Variants in FOXJ3 observed in about 807,000 individuals in gnomAD.
FOXJ3 encodes the protein forkhead box protein J3.
In FOXJ3, 22 loss-of-function variants were observed where a neutral mutation model predicts 76.1. The ratio of observed to expected loss-of-function variants is 0.29; its 90% CI spans 0.21 to 0.41. The LOEUF is 0.41. Among genes scored for constraint, FOXJ3 ranks in the 10% least tolerant of loss-of-function variants. The pLI is 1.00. For missense variants in FOXJ3, 613 were observed against 762.1 expected (o/e 0.80, Z 2.30); for synonymous variants, 269 against 261.2 (o/e 1.03, Z -0.29).
At chr1:42,302,128 T>C (rs375642485) in intron 2 of FOXJ3, among the ~76,000 whole-genome samples, 6 of 152,172 alleles carry the variant, frequency 3.9e-5, no homozygotes, top group Admixed American at 6.5e-5. Context: ...ATATCAGTGA[T>C]GTACTGGGCA....
intron 4 of FOXJ3, among the ~76,000 whole-genome samples, chr1:42,229,498 G>A (rs1647884609): frequency 6.6e-6 from 1 of 152,146 alleles, no homozygotes; most frequent in South Asian, 2.1e-4. Flanking sequence ...ACACTGTTGG[G>A]GTACAAGGTA....
At chr1:42,206,772 T>C (rs1337975052) in intron 5 of FOXJ3, among the ~76,000 whole-genome samples, 1 of 152,200 alleles carries the variant, frequency 6.6e-6, no homozygotes, top group African/African-American at 2.4e-5. Context: ...ATACAATCAA[T>C]TAATGTTAAC....
chr1:42,238,486 C>G (rs955658791), intron 4 of FOXJ3, among the ~76,000 whole-genome samples: 3 of 152,182 alleles, frequency 2.0e-5, no homozygotes, highest in Non-Finnish European at 4.4e-5. Context: ...CATTATTTTG[C>G]CTATTTTAGG....
At chr1:42,234,039 T>C (rs1453570885) in intron 4 of FOXJ3, among the ~76,000 whole-genome samples, 1 of 152,254 alleles carries the variant, frequency 6.6e-6, no homozygotes, top group East Asian at 1.9e-4. Context: ...CTTTTCTGCA[T>C]CTGATATAGA....
chr1:42,280,382 A>G (rs1306672757), intron 2 of FOXJ3: 21 of 973,430 alleles, frequency 2.2e-5, no homozygotes, highest in Non-Finnish European at 2.5e-5. Context: ...TCTCTATTGT[A>G]CACATTCCTC....
At chr1:42,294,022 C>T (rs746381363) in intron 2 of FOXJ3, among the ~76,000 whole-genome samples, 6 of 152,050 alleles carry the variant, frequency 3.9e-5, no homozygotes, top group Non-Finnish European at 8.8e-5. Flanking sequence ...CTAGTAAGGA[C>T]GTAAGTATTC....
chr1:42,290,703 TTTC>T (rs1653361575), intron 2 of FOXJ3, among the ~76,000 whole-genome samples: 1 of 152,204 alleles, frequency 6.6e-6, no homozygotes, highest in Non-Finnish European at 1.5e-5. Flanking sequence ...ACTTTATCTT[TTTC>T]TTCTTATGAA....
At chr1:42,301,498 G>A (rs115079459) in intron 2 of FOXJ3, among the ~76,000 whole-genome samples, 1,742 of 152,010 alleles carry the variant, frequency 0.011, 38 homozygotes, top group African/African-American at 0.04. Context: ...GTACCACACC[G>A]GACTTCGTTC....
chr1:42,190,994 C>T (rs1646529689), intron 9 of FOXJ3, among the ~76,000 whole-genome samples: 1 of 151,808 alleles, frequency 6.6e-6, no homozygotes, highest in South Asian at 2.1e-4. Context: ...TTGCACTTTT[C>T]CTATATATAA....
At chr1:42,322,744 T>C (rs1221780254) in intron 1 of FOXJ3, among the ~76,000 whole-genome samples, 1 of 152,108 alleles carries the variant, frequency 6.6e-6, no homozygotes, top group Admixed American at 6.6e-5. Context: ...TCTCTCTGAA[T>C]CTACTCAAAG....
intron 4 of FOXJ3, among the ~76,000 whole-genome samples, chr1:42,230,536 A>C (rs1182321094): frequency 6.6e-6 from 1 of 152,168 alleles, no homozygotes; most frequent in East Asian, 1.9e-4. Flanking sequence ...TTTGAAGGTA[A>C]TTTTTTGTAA....
At chr1:42,203,377 G>A (rs1646799037) in intron 6 of FOXJ3, among the ~76,000 whole-genome samples, 1 of 152,188 alleles carries the variant, frequency 6.6e-6, no homozygotes, top group South Asian at 2.1e-4. Context: ...GAAAATTACA[G>A]AAGCTCTGGA....
At chr1:42,283,035 G>A (rs1210808225) in intron 2 of FOXJ3, among the ~76,000 whole-genome samples, 1 of 152,178 alleles carries the variant, frequency 6.6e-6, no homozygotes, top group Non-Finnish European at 1.5e-5. Flanking sequence ...CAGAAAGTAA[G>A]GGTACTCATA....
At position 42,251,307 on chromosome 1, in the gene FOXJ3, T is replaced by C. The variant is rs114174791; in HGVS notation, c.444+13808A>G. ...TGGAACATCTTCAAAACTGAATATATTGAAAACTCGGACAAGTGGGAATAC... is the reference window on the plus strand; with the variant it reads ...TGGAACATCTTCAAAACTGAATATACTGAAAACTCGGACAAGTGGGAATAC... On this transcript the variant is annotated intron_variant, in intron 4 of 12. Transcript: ENST00000361346. Among the ~76,000 whole-genome samples the C allele has an allele frequency of 7.2e-3, 1,093 of 152,212 alleles. 22 individuals carry two copies. Among genetic ancestry groups the C allele is most frequent in the African/African-American group, 0.025 (1,050 of 41,534 alleles).
intron 2 of FOXJ3, among the ~76,000 whole-genome samples, chr1:42,294,711 G>C (rs981564084): frequency 4.3e-5 from 6 of 138,266 alleles, no homozygotes; most frequent in Non-Finnish European, 7.6e-5. Flanking sequence ...GCAGTGAGCA[G>C]AGATCACGCC....
At chr1:42,209,338 C>T (rs1022255964) in intron 5 of FOXJ3, among the ~76,000 whole-genome samples, 3 of 152,210 alleles carry the variant, frequency 2.0e-5, no homozygotes, top group African/African-American at 7.2e-5. Context: ...GATTAACATG[C>T]CCCTCCCACT....
At chr1:42,311,815 G>A (rs932035722) in intron 1 of FOXJ3, among the ~76,000 whole-genome samples, 5 of 152,054 alleles carry the variant, frequency 3.3e-5, no homozygotes, top group Non-Finnish European at 5.9e-5. Context: ...TGTAACGTGG[G>A]GCTAATACCA....
chr1:42,181,750 A>G (rs1646323470), intron 12 of FOXJ3, among the ~76,000 whole-genome samples, 167 bp downstream of exon 12: 1 of 152,074 alleles, frequency 6.6e-6, no homozygotes, highest in Non-Finnish European at 1.5e-5. Context: ...TCTCAATATT[A>G]AACTCTGGGT....
intron 1 of FOXJ3, among the ~76,000 whole-genome samples, chr1:42,317,514 T>TAAAAAAAAAAA (rs11365048): frequency 9.4e-6 from 1 of 106,366 alleles, no homozygotes; most frequent in Non-Finnish European, 1.9e-5. Context: ...AGAGAAACCA[T>TAAAAAAAAAAA]AAAAAAAAAA....
Sources: allele counts gnomAD v4.1 joint callset (sites outside exome capture counted in the v4.1 genomes callset), GRCh38; gene constraint gnomAD v4.1.1; transcripts MANE v1.5; gene names NCBI Gene and HGNC (gene_info 2026-07-23, HGNC 2026-07-21).